PTK2B: variants seen among roughly 807,000 people sequenced by gnomAD.
PTK2B encodes the protein protein-tyrosine kinase 2-beta.
A neutral mutation model predicts 142.9 loss-of-function variants in PTK2B; 71 were observed. That is an observed-to-expected ratio of 0.50 (90% confidence interval 0.41 to 0.61). The LOEUF is 0.61. PTK2B is among the 20% of genes least tolerant of loss of function. PTK2B has a pLI of 0.00. For synonymous variants in PTK2B, 519 were observed against 503.4 expected (o/e 1.03, Z -0.42); for missense variants, 1,105 against 1,320.4 (o/e 0.84, Z 2.53).
At chr8:27,355,360 A>G in intron 1 of PTK2B, among the ~76,000 whole-genome samples, 1 of 152,166 alleles carries the variant, frequency 6.6e-6, no homozygotes. Context: ...GAGAGATTGT[A>G]AGGCACTATG....
chr8:27,364,210 C>T (rs909048576), intron 1 of PTK2B, among the ~76,000 whole-genome samples: 2 of 152,202 alleles, frequency 1.3e-5, no homozygotes, highest in African/African-American at 4.8e-5. Context: ...TGACTGCCAC[C>T]AGAGGCTGTA....
At chr8:27,339,983 T>A (rs1385536095) in intron 1 of PTK2B, among the ~76,000 whole-genome samples, 1 of 152,250 alleles carries the variant, frequency 6.6e-6, no homozygotes, top group Non-Finnish European at 1.5e-5. Flanking sequence ...GGTGGCTGTT[T>A]TCCTTTCGGC....
chr8:27,326,659 A>T lies in PTK2B; in HGVS notation c.-38+978A>T, dbSNP rs151280902. On this transcript the variant is annotated intron_variant, in intron 1 of 30. Coordinates refer to ENST00000346049, the MANE Select transcript of PTK2B (RefSeq NM_173176.3). Reference sequence around the variant, plus strand: ...GTGCTGGGAGGCCCCTCTACGTGGGATGCTCTCTGTTCACCCCAAGTGCTG... The same window carrying T: ...GTGCTGGGAGGCCCCTCTACGTGGGTTGCTCTCTGTTCACCCCAAGTGCTG... Among the ~76,000 whole-genome samples, 306 of 152,222 alleles carry T rather than the reference A, an allele frequency of 2.0e-3. 4 individuals are homozygous for T. The highest frequency in any genetic ancestry group is 6.1e-3 in the African/African-American group (252 of 41,538).
intron 2 of PTK2B, among the ~76,000 whole-genome samples, chr8:27,411,020 C>A (rs1259032501): frequency 2.6e-5 from 4 of 152,216 alleles, no homozygotes; most frequent in African/African-American, 9.6e-5. Flanking sequence ...AAGCAAAGGT[C>A]TTCCTGTAGC....
chr8:27,452,956 A>G (rs1468264522), intron 27 of PTK2B, 158 bp from the exon 28 acceptor site: 2 of 793,080 alleles, frequency 2.5e-6, no homozygotes, highest in Non-Finnish European at 4.1e-6. Flanking sequence ...CAGGGAGACC[A>G]GGAGGTTCCT....
chr8:27,413,101 A>T (rs1026142100), intron 2 of PTK2B, among the ~76,000 whole-genome samples: 1 of 152,038 alleles, frequency 6.6e-6, no homozygotes, highest in African/African-American at 2.4e-5. Context: ...CAATGGTTTA[A>T]ATTTATTGTT....
intron 1 of PTK2B, among the ~76,000 whole-genome samples, chr8:27,370,847 G>C (rs1016018595): frequency 2.0e-5 from 3 of 152,094 alleles, no homozygotes; most frequent in Admixed American, 2.0e-4. Flanking sequence ...TCCTCTCTTG[G>C]TTTTCTCTTA....
chr8:27,346,178 A>G (rs1004702019), intron 1 of PTK2B, among the ~76,000 whole-genome samples: 1 of 152,194 alleles, frequency 6.6e-6, no homozygotes, highest in African/African-American at 2.4e-5. Flanking sequence ...TTCCATTTGC[A>G]GACAGGGAAG....
intron 1 of PTK2B, among the ~76,000 whole-genome samples, chr8:27,388,944 T>C (rs746528458): frequency 3.9e-5 from 6 of 152,194 alleles, no homozygotes; most frequent in Non-Finnish European, 8.8e-5. Context: ...CATTTCCCAA[T>C]GACCCCTCAC....
intron 1 of PTK2B, among the ~76,000 whole-genome samples, chr8:27,356,152 C>T (rs551200590): frequency 6.6e-6 from 1 of 152,292 alleles, no homozygotes; most frequent in African/African-American, 2.4e-5. Flanking sequence ...AACATGGCCC[C>T]CTTAGTGATG....
intron 13 of PTK2B, among the ~76,000 whole-genome samples, 185 bp from the exon 14 acceptor site, chr8:27,435,558 T>C (rs1810717807): frequency 6.6e-6 from 1 of 152,248 alleles, no homozygotes; most frequent in South Asian, 2.1e-4. Context: ...AGCAGGGAGT[T>C]CAGCCAAGGT....
intron 1 of PTK2B, among the ~76,000 whole-genome samples, chr8:27,336,624 C>A (rs1804081200): frequency 6.6e-6 from 1 of 152,204 alleles, no homozygotes; most frequent in Non-Finnish European, 1.5e-5. Context: ...CAATCACATG[C>A]TAATAACAAT....
intron 2 of PTK2B, among the ~76,000 whole-genome samples, chr8:27,399,482 TA>T (rs1808249447): frequency 1.3e-5 from 2 of 152,188 alleles, no homozygotes; most frequent in Admixed American, 6.5e-5. Context: ...GGGCCTAGAA[TA>T]TCAGGCAGAG....
chr8:27,417,252 T>C (rs549390629), intron 2 of PTK2B, among the ~76,000 whole-genome samples: 14 of 152,348 alleles, frequency 9.2e-5, no homozygotes, highest in African/African-American at 3.4e-4. Flanking sequence ...CATTACCGAT[T>C]GATAAGTAGG....
At chr8:27,448,657 G>C (rs996365470) in intron 24 of PTK2B, among the ~76,000 whole-genome samples, 1 of 152,152 alleles carries the variant, frequency 6.6e-6, no homozygotes, top group Non-Finnish European at 1.5e-5. Context: ...TCATCCAACT[G>C]GTACTTACCA....
At chr8:27,409,825 A>T (rs1808946284) in intron 2 of PTK2B, among the ~76,000 whole-genome samples, 1 of 152,176 alleles carries the variant, frequency 6.6e-6, no homozygotes, top group Non-Finnish European at 1.5e-5. Context: ...GGTTCAAGTG[A>T]TTGGCCTTCC....
chr8:27,356,933 AC>A (rs1284995528), intron 1 of PTK2B, among the ~76,000 whole-genome samples: 1 of 152,172 alleles, frequency 6.6e-6, no homozygotes, highest in Non-Finnish European at 1.5e-5. Context: ...AAAAGGGGTA[AC>A]CCAAAGAAGT....
intron 2 of PTK2B, among the ~76,000 whole-genome samples, chr8:27,406,685 G>C (rs1201120171): frequency 6.6e-6 from 1 of 152,056 alleles, no homozygotes; most frequent in Non-Finnish European, 1.5e-5. Flanking sequence ...TTGGTGGGTG[G>C]GCTGTTGCCA....
chr8:27,385,212 G>A (rs1807274135), intron 1 of PTK2B, among the ~76,000 whole-genome samples: 1 of 152,178 alleles, frequency 6.6e-6, no homozygotes, highest in African/African-American at 2.4e-5. Context: ...CCCAGGGTTG[G>A]GCTACGGAAG....
Sources: gnomAD v4.1 joint callset for allele counts (sites outside exome capture counted in the v4.1 genomes callset) on GRCh38, gnomAD v4.1.1 for gene constraint, MANE v1.5 for transcripts, NCBI Gene and HGNC (gene_info 2026-07-23, HGNC 2026-07-21) for gene names.